Variants in ENO1 observed in about 807,000 individuals in gnomAD.
ENO1 encodes the protein enolase 1.
In ENO1, 33 loss-of-function variants were observed where a neutral mutation model predicts 46.3. That is an observed-to-expected ratio of 0.71 (90% CI 0.54 to 0.95). The LOEUF is 0.95. Ranked by LOEUF, ENO1 falls within the 40% of genes least tolerant of loss-of-function variation. The pLI is 0.00. For synonymous variants in ENO1, 220 were observed against 216.0 expected (o/e 1.02, Z -0.16); for missense variants, 488 against 553.3 (o/e 0.88, Z 1.18).
At chr1:8,877,130 TG>T (rs1642751972) in intron 1 of ENO1, among the ~76,000 whole-genome samples, 1 of 152,106 alleles carries the variant, frequency 6.6e-6, no homozygotes, top group South Asian at 2.1e-4. Context: ...GCTAATTTTT[TG>T]TATTTTTAGT....
chr1:8,862,820 G>A (rs1642433665), intron 11 of ENO1, 67 bp downstream of exon 11: 1 of 1,566,682 alleles, frequency 6.4e-7, no homozygotes, highest in Non-Finnish European at 8.7e-7. Context: ...GGAGGGCAGT[G>A]CCTACACTGA....
At chr1:8,868,328 A>G (rs890290813) in intron 4 of ENO1, among the ~76,000 whole-genome samples, 10 of 152,150 alleles carry the variant, frequency 6.6e-5, no homozygotes, top group Non-Finnish European at 1.0e-4. Context: ...TTAATAGTCT[A>G]CCCAGGGAGC....
intron 8 of ENO1, 46 bp from the exon 9 acceptor site, chr1:8,864,138 T>A: frequency 6.2e-7 from 1 of 1,602,114 alleles, no homozygotes; most frequent in Admixed American, 1.7e-5. Context: ...CCTCCCAGTG[T>A]GCTCCACCGC....
chr1:8,872,522 AC>A (rs57683510), intron 2 of ENO1, among the ~76,000 whole-genome samples: 9,881 of 152,098 alleles, frequency 0.065, 1,091 homozygotes, highest in African/African-American at 0.23. Context: ...AACTGGGACT[AC>A]AGCAGCCTGC....
chr1:8,874,832 G>T lies in ENO1; in HGVS notation c.77C>A (p.Thr26Asn), dbSNP rs1208761293. 6.2e-7 allele frequency: 1 copy of T among 1,613,456 alleles called. No homozygotes were observed. The highest frequency in any genetic ancestry group is 8.5e-7 in the Non-Finnish European group (1 of 1,179,674). Residue 26 changes from threonine to asparagine, a missense_variant, in exon 2 of 12, where the codon ACC (threonine) becomes AAC (asparagine). Coordinates refer to ENST00000234590, the MANE Select transcript of ENO1 (RefSeq NM_001428.5). ...AAGGAGGTGGCACATACCTTTTGAGGTGAAGAGATCAACCTCAACAGTGGG... is the reference window on the plus strand; with the variant it reads ...AAGGAGGTGGCACATACCTTTTGAGTTGAAGAGATCAACCTCAACAGTGGG... Reference protein sequence around the residue: ...GNPTVEVDLFTSKGLFRAAVP... With the variant: ...GNPTVEVDLFNSKGLFRAAVP...
chr1:8,872,387 C>CTTTTTT (rs111671523), intron 2 of ENO1, among the ~76,000 whole-genome samples: 1 of 150,588 alleles, frequency 6.6e-6, no homozygotes. Context: ...CGTTCTGGTA[C>CTTTTTT]TTTTTTTTTC....
intron 1 of ENO1, 64 bp downstream of exon 1, chr1:8,878,516 G>GC (rs1169351630): frequency 9.3e-6 from 4 of 430,798 alleles, no homozygotes; most frequent in African/African-American, 8.1e-5. Context: ...AGGGAAAAGA[G>GC]CCCCACAAGC....
intron 4 of ENO1, among the ~76,000 whole-genome samples, chr1:8,868,442 G>A (rs1642567953): frequency 6.6e-6 from 1 of 152,142 alleles, no homozygotes; most frequent in Admixed American, 6.5e-5. Context: ...AAAGCTCACT[G>A]TTCACTCAAG....
intron 3 of ENO1, chr1:8,871,457 C>G: frequency 1.0e-6 from 1 of 1,000,410 alleles, no homozygotes; most frequent in Non-Finnish European, 1.2e-6. Context: ...CTGCAGCTCA[C>G]CATTCAGGGC....
In ENO1 at chr1:8,864,050, G is replaced by C. The variant is rs753259457; in HGVS notation, c.908C>G (p.Ala303Gly). 2 of 1,614,128 alleles carry C rather than the reference G, an allele frequency of 1.2e-6. No individual in the cohort carries two copies. Among genetic ancestry groups the C allele is most frequent in the Non-Finnish European group, 1.7e-6 (2 of 1,180,034 alleles). ...TGCACTGGCTGTGAACTTCTGCCAA[G>C]CTCCCCAGTCATCCTGGTCAAAGGG... ...EDPFDQDDWG[A>G]WQKFTASAGI... is the part of the protein sequence containing the mutation. The change falls in exon 9 of 12, where the codon GCT becomes GGT. Residue 303 changes from alanine to glycine, a missense_variant. Physicochemically the swap from Ala to Gly is moderately conservative, Grantham distance 60. Transcript: ENST00000234590.
chr1:8,870,216 C>G (rs1202720442), intron 4 of ENO1: 4 of 541,202 alleles, frequency 7.4e-6, no homozygotes, highest in Non-Finnish European at 1.3e-5. Context: ...GGGGAAGAAA[C>G]CTCAGGGCTC....
chr1:8,863,404 T>C, intron 9 of ENO1, 61 bp from the exon 10 acceptor site: 1 of 1,507,768 alleles, frequency 6.6e-7, no homozygotes, highest in South Asian at 1.2e-5. Flanking sequence ...TAACCCCCAA[T>C]GCCATTACCC....
chr1:8,866,512 C>G lies in ENO1; in HGVS notation c.445-11G>C, dbSNP rs1435186479. 3 of 1,614,038 alleles carry G rather than the reference C, an allele frequency of 1.9e-6. No individual in the cohort carries two copies. Among genetic ancestry groups the G allele is most frequent in the Non-Finnish European group, 1.7e-6 (2 of 1,179,978 alleles). ...GATGACATTGAACGCCTGGGGAGAG[C>G]AGAGCAGAGAAGCATGGCACTGGGT... On this transcript the variant is annotated splice_polypyrimidine_tract_variant and intron_variant, in intron 6 of 11. Coordinates refer to ENST00000234590, the MANE Select transcript of ENO1 (RefSeq NM_001428.5).
chr1:8,868,572 A>G (rs1243427039), intron 4 of ENO1, among the ~76,000 whole-genome samples: 1 of 152,268 alleles, frequency 6.6e-6, no homozygotes, highest in African/African-American at 2.4e-5. Flanking sequence ...TCATTTAGCA[A>G]AGCGTCTAAT....
intron 4 of ENO1, among the ~76,000 whole-genome samples, chr1:8,868,644 G>A (rs1034742361): frequency 5.3e-5 from 8 of 152,066 alleles, no homozygotes; most frequent in African/African-American, 1.9e-4. Context: ...ACTGAGAACT[G>A]GCTCAAAGTA....
rs750328073 is a variant in ENO1 at position 8,863,275 on chromosome 1, G to A, written c.1136C>T (p.Thr379Ile). The change falls in exon 10 of 12, where the codon ACC becomes ATC. Residue 379 changes from threonine to isoleucine, a missense_variant. Physicochemically the swap from Thr to Ile is moderately conservative, Grantham distance 89 (BLOSUM62 -1). Transcript: ENST00000234590. ...VSHRSGETEDTFIADLVVGLC... is the reference protein window; with the variant it reads ...VSHRSGETEDIFIADLVVGLC... ...CCCCACAACCAGGTCAGCGATGAAG[G>A]TATCTTCAGTCTCCCCCGAACGATG... 9.9e-6 allele frequency: 16 copies of A among 1,614,030 alleles called. No homozygotes were observed. Among genetic ancestry groups the A allele is most frequent in the Non-Finnish European group, 1.4e-5 (16 of 1,180,038 alleles).
intron 3 of ENO1, chr1:8,870,841 G>A: frequency 7.4e-7 from 1 of 1,344,202 alleles, no homozygotes; most frequent in East Asian, 2.6e-5. Flanking sequence ...GCACAGGGCT[G>A]GTGCCAGGAA....
intron 3 of ENO1, chr1:8,871,188 C>T (rs754298318): frequency 1.2e-5 from 13 of 1,072,780 alleles, no homozygotes; most frequent in South Asian, 9.0e-5. Context: ...ACCACCACTG[C>T]GACACCAGCC....
intron 3 of ENO1, chr1:8,871,202 T>C: frequency 9.4e-7 from 1 of 1,059,414 alleles, no homozygotes; most frequent in Non-Finnish European, 1.1e-6. Context: ...ACCAGCCCAG[T>C]GTTTCACAAC....
Sources: allele counts gnomAD v4.1 joint callset (sites outside exome capture counted in the v4.1 genomes callset), GRCh38; gene constraint gnomAD v4.1.1; transcripts MANE v1.5; gene names NCBI Gene and HGNC (gene_info 2026-07-23, HGNC 2026-07-21).